Variants in XKR6 observed in about 807,000 individuals in gnomAD.
XKR6 encodes XK related 6.
Under a neutral mutation model 56.7 loss-of-function variants are expected in XKR6, and 22 were observed. The ratio of observed to expected loss-of-function variants is 0.39; its 90% CI spans 0.28 to 0.55. The LOEUF (loss-of-function observed/expected upper bound fraction) is 0.55, where lower values mean the gene tolerates loss of function less well. Ranked by LOEUF, XKR6 falls within the 20% of genes least tolerant of loss-of-function variation. XKR6 has a pLI of 0.66. For synonymous variants in XKR6, 524 were observed against 387.8 expected, an observed-to-expected ratio of 1.35 and a Z score of -4.13; for missense variants, 852 against 889.0, an observed-to-expected ratio of 0.96 and a Z score of 0.53.
chr8:11,195,775 A>G (rs932224711), intron 1 of XKR6, among the ~76,000 whole-genome samples: 10 of 151,428 alleles, frequency 6.6e-5, no homozygotes, highest in African/African-American at 1.9e-4. Context: ...CGGCCTCCTG[A>G]GTAGCTGGGA....
chr8:10,984,732 C>CTCTCTATATATATATATA lies in XKR6; in HGVS notation c.765-59903_765-59902insTATATATATATATAGAGA. Among the ~76,000 whole-genome samples the CTCTCTATATATATATATA allele has an allele frequency of 1.2e-3, 59 of 47,470 alleles. 1 individual carries two copies. The highest frequency in any genetic ancestry group is 1.7e-3 in the Non-Finnish European group (41 of 23,786). 31.1% of individuals were successfully genotyped at this position (47,470 alleles called of 152,430 possible). ...TCTCTCTCTCTCTCTCTCTCTCTCT[C>CTCTCTATATATATATATA]TATATATATATATATATATATATAT... is the stretch of plus-strand genomic sequence containing the variant. On this transcript the variant is annotated intron_variant, in intron 1 of 2. Transcript: ENST00000416569.
intron 1 of XKR6, among the ~76,000 whole-genome samples, chr8:11,084,646 T>A (rs555613247): frequency 6.6e-6 from 1 of 152,168 alleles, no homozygotes; most frequent in African/African-American, 2.4e-5. Context: ...TCAGTCCAAG[T>A]CTGTTTGAGA....
At chr8:11,109,839 T>C (rs1208572874) in intron 1 of XKR6, 1 of 152,164 alleles carries the variant, frequency 6.6e-6, no homozygotes, top group Admixed American at 6.6e-5. Flanking sequence ...AGGAAACACC[T>C]CTACTGACGA....
chr8:11,163,628 C>T (rs1021294083), intron 1 of XKR6, among the ~76,000 whole-genome samples: 3 of 152,238 alleles, frequency 2.0e-5, no homozygotes, highest in African/African-American at 7.2e-5. Context: ...GGTCGAGACA[C>T]TCAGGAGGAA....
chr8:10,974,548 T>C (rs1377147371), intron 1 of XKR6, among the ~76,000 whole-genome samples: 3 of 152,162 alleles, frequency 2.0e-5, no homozygotes, highest in Non-Finnish European at 4.4e-5. Flanking sequence ...GCCATATCTT[T>C]TTGCAGGAAA....
chr8:11,007,340 G>A (rs1468557454), intron 1 of XKR6, among the ~76,000 whole-genome samples: 1 of 152,200 alleles, frequency 6.6e-6, no homozygotes, highest in Non-Finnish European at 1.5e-5. Context: ...TTGCAGCCAA[G>A]TGCATCTTAA....
chr8:11,070,016 G>T (rs372118142), intron 1 of XKR6, among the ~76,000 whole-genome samples: 2 of 152,148 alleles, frequency 1.3e-5, no homozygotes, highest in Non-Finnish European at 1.5e-5. Context: ...GTTTCCTAAA[G>T]GGATCTTCTG....
intron 1 of XKR6, among the ~76,000 whole-genome samples, chr8:11,091,429 C>G (rs1273325955): frequency 1.0e-5 from 1 of 97,696 alleles, no homozygotes; most frequent in East Asian, 2.0e-4. Flanking sequence ...AGAATGAGAC[C>G]CTGACTCAAA....
rs371693455 is a variant in XKR6 at position 10,897,682 on chromosome 8, TA to T, written c.*269del. 1.7e-5 allele frequency: 6 copies of T among 360,558 alleles called. No homozygotes were observed. The highest frequency in any genetic ancestry group is 3.0e-5 in the Non-Finnish European group (6 of 203,216). 22.3% of individuals were successfully genotyped at this position (360,558 alleles called of 1,614,324 possible). On this transcript the variant is annotated 3_prime_UTR_variant, in exon 3 of 3. Coordinates refer to ENST00000416569, the MANE Select transcript of XKR6 (RefSeq NM_173683.4). Reference sequence around the variant, plus strand: ...ATTTTTCAATACTGTTTCTTATGTGTAAAAAACAAAAGAAAGGTTTTCTTTT... The same window carrying T: ...ATTTTTCAATACTGTTTCTTATGTGTAAAAACAAAAGAAAGGTTTTCTTTT...
At chr8:11,122,696 C>T (rs1466381827) in intron 1 of XKR6, among the ~76,000 whole-genome samples, 3 of 152,126 alleles carry the variant, frequency 2.0e-5, no homozygotes, top group Non-Finnish European at 4.4e-5. Flanking sequence ...CAGCTTAAAC[C>T]TCTCCTCATG....
intron 1 of XKR6, among the ~76,000 whole-genome samples, chr8:10,954,643 A>G (rs1434365398): frequency 6.6e-6 from 1 of 152,186 alleles, no homozygotes; most frequent in Non-Finnish European, 1.5e-5. Flanking sequence ...TCTGAAGCAC[A>G]GAAATTTTTA....
At chr8:11,006,370 G>C (rs147997601) in intron 1 of XKR6, among the ~76,000 whole-genome samples, 1 of 152,244 alleles carries the variant, frequency 6.6e-6, no homozygotes, top group African/African-American at 2.4e-5. Context: ...AGGGAACAGT[G>C]TGCTGCCCCT....
At chr8:11,072,538 C>T (rs755729795) in intron 1 of XKR6, among the ~76,000 whole-genome samples, 1 of 152,150 alleles carries the variant, frequency 6.6e-6, no homozygotes, top group Non-Finnish European at 1.5e-5. Flanking sequence ...CAAGGTCATG[C>T]ATCTTGCACT....
intron 1 of XKR6, among the ~76,000 whole-genome samples, chr8:11,095,699 G>A (rs565456106): frequency 6.6e-6 from 1 of 152,182 alleles, no homozygotes; most frequent in Admixed American, 6.5e-5. Flanking sequence ...TCCTTTGTAA[G>A]TTTGTGGGCT....
At chr8:10,942,443 G>C (rs1466790982) in intron 1 of XKR6, among the ~76,000 whole-genome samples, 1 of 152,224 alleles carries the variant, frequency 6.6e-6, no homozygotes, top group African/African-American at 2.4e-5. Flanking sequence ...TCTCTTGCCT[G>C]TGCTTCCCCT....
chr8:10,911,239 TAGAGAG>T (rs5889347), intron 2 of XKR6, among the ~76,000 whole-genome samples: 3 of 137,474 alleles, frequency 2.2e-5, no homozygotes, highest in African/African-American at 8.3e-5. Context: ...TGTGTGTGTA[TAGAGAG>T]AGAGAGAGAG....
chr8:10,958,708 G>A (rs2129129595), intron 1 of XKR6, among the ~76,000 whole-genome samples: 1 of 152,342 alleles, frequency 6.6e-6, no homozygotes, highest in East Asian at 1.9e-4. Flanking sequence ...ATTTTTGCCT[G>A]CAGTTTCTCA....
In XKR6 at chr8:10,897,400, T is replaced by A. The variant is rs1937993992; in HGVS notation, c.*552A>T. On this transcript the variant is annotated 3_prime_UTR_variant, in exon 3 of 3. Transcript: ENST00000416569. ...GATTTGTTTCATTTAATTGTTTAAT[T>A]TTCCCTCTTCTGGTGCAAAAATCAC... The A allele has an allele frequency of 6.5e-6, 1 of 152,672 alleles. No individual in the cohort carries two copies. Among genetic ancestry groups the A allele is most frequent in the South Asian group, 2.1e-4 (1 of 4,830 alleles). 9.5% of individuals were successfully genotyped at this position (152,672 alleles called of 1,614,324 possible).
chr8:11,093,333 G>A (rs1440297492), intron 1 of XKR6, among the ~76,000 whole-genome samples: 1 of 152,212 alleles, frequency 6.6e-6, no homozygotes, highest in Non-Finnish European at 1.5e-5. Context: ...GAGATTTCAG[G>A]AGTGAGCCAC....
Sources: allele counts gnomAD v4.1 joint callset (sites outside exome capture counted in the v4.1 genomes callset), GRCh38; gene constraint gnomAD v4.1.1; transcripts MANE v1.5; gene names NCBI Gene and HGNC (gene_info 2026-07-23, HGNC 2026-07-21).